RPSA2: variants seen among roughly 807,000 people sequenced by gnomAD.
The protein encoded by RPSA2 is ribosomal protein SA 2.
chr19:23,768,653 T>C, the RPSA2 span, among the ~76,000 whole-genome samples: 1 of 36,846 alleles, frequency 2.7e-5, no homozygotes, highest in African/African-American at 8.9e-5. Flanking sequence ...AGTGGTACAA[T>C]CTTGGCTCAC....
chr19:23,853,593 C>T, the RPSA2 span, among the ~76,000 whole-genome samples: 1 of 152,232 alleles, frequency 6.6e-6, no homozygotes, highest in African/African-American at 2.4e-5. Flanking sequence ...TTTACAGTAA[C>T]TTGAAGAGGT....
the RPSA2 span, among the ~76,000 whole-genome samples, chr19:23,813,450 C>A: frequency 6.6e-6 from 1 of 151,892 alleles, no homozygotes; most frequent in Admixed American, 6.6e-5. Flanking sequence ...TAAGTGAAAT[C>A]ATAATATCTA....
At chr19:23,812,350 T>G in the RPSA2 span, among the ~76,000 whole-genome samples, 2 of 151,312 alleles carry the variant, frequency 1.3e-5, no homozygotes, top group Admixed American at 1.3e-4. Context: ...TTGTAGCTTA[T>G]CTTGTATATA....
At chr19:23,846,706 A>C in the RPSA2 span, among the ~76,000 whole-genome samples, 1 of 152,118 alleles carries the variant, frequency 6.6e-6, no homozygotes, top group African/African-American at 2.4e-5. Flanking sequence ...CTGGCCAGTA[A>C]AGTTTCTGCT....
chr19:23,851,470 G>T, the RPSA2 span, among the ~76,000 whole-genome samples: 1 of 152,170 alleles, frequency 6.6e-6, no homozygotes, highest in Non-Finnish European at 1.5e-5. Context: ...GTGAAATATA[G>T]AAAGGGTGTC....
At chr19:23,848,996 G>A in the RPSA2 span, among the ~76,000 whole-genome samples, 2 of 152,334 alleles carry the variant, frequency 1.3e-5, no homozygotes, top group African/African-American at 2.4e-5. Flanking sequence ...AATATACTGA[G>A]GGGGAAGATT....
chr19:23,861,467 A>T, the RPSA2 span, among the ~76,000 whole-genome samples: 1 of 152,068 alleles, frequency 6.6e-6, no homozygotes, highest in Non-Finnish European at 1.5e-5. Context: ...ATCTCCCCCC[A>T]TGTGAAAGAC....
the RPSA2 span, chr19:23,809,530 T>G: frequency 2.0e-5 from 3 of 152,096 alleles, no homozygotes; most frequent in Non-Finnish European, 4.4e-5. Flanking sequence ...TGTCCTCTAA[T>G]TTTTTTCATT....
At chr19:23,777,780 C>CT in the RPSA2 span, among the ~76,000 whole-genome samples, 1 of 152,180 alleles carries the variant, frequency 6.6e-6, no homozygotes, top group Non-Finnish European at 1.5e-5. Context: ...TGATGGAACT[C>CT]TACCACCTGT....
the RPSA2 span, among the ~76,000 whole-genome samples, chr19:23,766,142 CCTTTTTTTTTTTTTTTT>C: frequency 4.2e-4 from 18 of 43,288 alleles, no homozygotes; most frequent in Admixed American, 3.5e-3. Context: ...TATTTCATTT[CCTTTTTTTTTTTTTTTT>C]TTTTTTTTTT....
At chr19:23,828,008 C>G in the RPSA2 span, 2 of 775,150 alleles carry the variant, frequency 2.6e-6, no homozygotes, top group Non-Finnish European at 4.3e-6. Context: ...TCCCACTGCT[C>G]AGGCCACTGA....
the RPSA2 span, among the ~76,000 whole-genome samples, chr19:23,831,111 T>C: frequency 1.3e-5 from 2 of 152,216 alleles, no homozygotes; most frequent in Non-Finnish European, 2.9e-5. Context: ...CTACCACTTT[T>C]TTTTTTGGTC....
the RPSA2 span, among the ~76,000 whole-genome samples, chr19:23,766,808 G>T: frequency 2.0e-5 from 3 of 150,004 alleles, no homozygotes; most frequent in East Asian, 6.0e-4. Context: ...ACCCAGGCTG[G>T]AGTGCAGTGT....
At chr19:23,805,023 T>TGGCTTAGG in the RPSA2 span, among the ~76,000 whole-genome samples, 1 of 150,126 alleles carries the variant, frequency 6.7e-6, no homozygotes, top group African/African-American at 2.5e-5. Flanking sequence ...TTTGGGTTTG[T>TGGCTTAGG]TAAGGACAGG....
chr19:23,832,025 A>G, the RPSA2 span: 24 of 430,360 alleles, frequency 5.6e-5, no homozygotes, highest in Non-Finnish European at 1.1e-4. Context: ...ACTAATAATA[A>G]GAAAATTCAT....
At chr19:23,841,973 G>A in the RPSA2 span, among the ~76,000 whole-genome samples, 1 of 152,072 alleles carries the variant, frequency 6.6e-6, no homozygotes, top group East Asian at 1.9e-4. Flanking sequence ...GGAAAATGAA[G>A]GCTGTCATTT....
the RPSA2 span, among the ~76,000 whole-genome samples, chr19:23,836,238 C>T: frequency 7.9e-5 from 12 of 152,156 alleles, no homozygotes; most frequent in African/African-American, 2.7e-4. Flanking sequence ...TCAGTGAGAA[C>T]ATATGATGGT....
the RPSA2 span, among the ~76,000 whole-genome samples, chr19:23,791,015 G>A: frequency 5.3e-5 from 8 of 152,222 alleles, no homozygotes; most frequent in Admixed American, 5.2e-4. Context: ...AGCCCTCTCT[G>A]GGCAGCTCTG....
chr19:23,767,191 C>T, the RPSA2 span, among the ~76,000 whole-genome samples: 1 of 152,130 alleles, frequency 6.6e-6, no homozygotes, highest in Non-Finnish European at 1.5e-5. Flanking sequence ...ATCCACCTGC[C>T]TCGCCCTCCC....
Sources: gnomAD v4.1 joint callset for allele counts (sites outside exome capture counted in the v4.1 genomes callset) on GRCh38, gnomAD v4.1.1 for gene constraint, MANE v1.5 for transcripts, NCBI Gene and HGNC (gene_info 2026-07-23, HGNC 2026-07-21) for gene names.